C6orf89: variants seen among roughly 807,000 people sequenced by gnomAD.
The protein encoded by C6orf89 is chromosome 6 open reading frame 89.
Under a neutral mutation model 40.7 loss-of-function variants are expected in C6orf89, and 29 were observed. That is an observed-to-expected ratio of 0.71 (90% CI 0.53 to 0.97). C6orf89 has a LOEUF of 0.97. C6orf89 is among the 50% of genes least tolerant of loss of function. The pLI, the probability that C6orf89 is intolerant of heterozygous loss-of-function variation, is 0.00. For synonymous variants in C6orf89, 165 were observed against 152.2 expected, an observed-to-expected ratio of 1.08 and a Z score of -0.62; for missense variants, 392 against 429.1, an observed-to-expected ratio of 0.91 and a Z score of 0.76.
In C6orf89 at chr6:36,874,735, T is replaced by C. The variant is rs374199616; in HGVS notation, c.-628+2768T>C. ...CCCTCACCTGGTCTCCAAGTAAACG[T>C]TGGGTGGCTGCCAGGAATCTGGGGG... is the stretch of plus-strand genomic sequence containing the variant. On this transcript the variant is annotated intron_variant, in intron 1 of 9. Coordinates refer to the C6orf89 transcript ENST00000359359. 28 of 1,613,950 alleles carry C rather than the reference T, an allele frequency of 1.7e-5. No individual in the cohort carries two copies. The highest frequency in any genetic ancestry group is 3.3e-4 in the Middle Eastern group (2 of 6,074).
chr6:36,875,558 G>C (rs543837033), intron 1 of C6orf89, among the ~76,000 whole-genome samples: 2 of 152,378 alleles, frequency 1.3e-5, no homozygotes, highest in African/African-American at 4.8e-5. Context: ...CGCAGGGCGC[G>C]AGGAACAGAA....
At chr6:36,892,607 T>G (rs1311680732) in intron 1 of C6orf89, among the ~76,000 whole-genome samples, 1 of 152,166 alleles carries the variant, frequency 6.6e-6, no homozygotes, top group Non-Finnish European at 1.5e-5. Flanking sequence ...TAGTGTCTCT[T>G]AATTGGGGGT....
chr6:36,901,312 A>ATTTTTTTTTTTTTT (rs1554136270), intron 3 of C6orf89, among the ~76,000 whole-genome samples: 4 of 64,662 alleles, frequency 6.2e-5, no homozygotes, highest in Non-Finnish European at 1.2e-4. Context: ...TATTATTATT[A>ATTTTTTTTTTTTTT]TTATTATTAT....
chr6:36,901,336 T>A (rs1191972087), intron 3 of C6orf89, among the ~76,000 whole-genome samples: 7 of 56,926 alleles, frequency 1.2e-4, no homozygotes, highest in African/African-American at 4.2e-4. Context: ...TTTTTTTTTT[T>A]TTTTTTTTTT....
rs116302023 is a variant in C6orf89, at chr6:36,908,691, G to A, written c.404-5593G>A. On this transcript the variant is annotated intron_variant, in intron 4 of 8. Transcript: ENST00000480824. ...TAGTTTCTAAGGCTGCTGAAACAAAGCATCACAGGCCGAGCAGCTTAAAAC... is the reference window on the plus strand; with the variant it reads ...TAGTTTCTAAGGCTGCTGAAACAAAACATCACAGGCCGAGCAGCTTAAAAC... 4.1e-3 allele frequency among the ~76,000 whole-genome samples: 631 copies of A among 152,282 alleles called. 7 individuals are homozygous for A. The highest frequency in any genetic ancestry group is 0.014 in the African/African-American group (598 of 41,568).
chr6:36,901,752 G>A (rs536443885), intron 3 of C6orf89, among the ~76,000 whole-genome samples: 2 of 151,698 alleles, frequency 1.3e-5, no homozygotes, highest in South Asian at 2.1e-4. Context: ...CTCACTGCAA[G>A]CTCCGCCTCC....
chr6:36,908,212 G>T (rs1231365390), intron 4 of C6orf89, among the ~76,000 whole-genome samples: 1 of 152,158 alleles, frequency 6.6e-6, no homozygotes, highest in Non-Finnish European at 1.5e-5. Context: ...GATGGCATAG[G>T]CTACCCCATT....
At position 36,919,606 on chromosome 6, in the gene C6orf89, T is replaced by A; in HGVS notation, c.854T>A (p.Ile285Asn). ...KMHKMPDLFI[I>N]GSGEAMLQLI... Reference sequence around the variant, plus strand: ...CATAAGATGCCTGACCTATTTATCATTGGCAGCGGTGAGGCCATGTTGCAG... The same window carrying A: ...CATAAGATGCCTGACCTATTTATCAATGGCAGCGGTGAGGCCATGTTGCAG... The change falls in exon 8 of 9, where the codon ATT becomes AAT. Residue 285 changes from isoleucine (I) to asparagine (N), a missense_variant. Ile to Asn is a moderately radical substitution (Grantham distance 149). Transcript: ENST00000480824. The A allele has an allele frequency of 6.2e-7, 1 of 1,614,096 alleles. No homozygotes were observed. The highest frequency in any genetic ancestry group is 2.2e-5 in the East Asian group (1 of 44,876).
chr6:36,879,110 C>G (rs1004888846), exon 2 of C6orf89: 2 of 153,604 alleles, frequency 1.3e-5, no homozygotes, highest in African/African-American at 2.4e-5. Context: ...CTATTGATCT[C>G]TCACAGCAGC....
chr6:36,918,466 A>G (rs1762399679), intron 7 of C6orf89, among the ~76,000 whole-genome samples: 1 of 152,202 alleles, frequency 6.6e-6, no homozygotes, highest in African/African-American at 2.4e-5. Context: ...AGCCGGTGAA[A>G]TGGCTCTGGT....
chr6:36,903,437 T>C (rs1001095946), intron 4 of C6orf89, among the ~76,000 whole-genome samples: 3 of 152,172 alleles, frequency 2.0e-5, no homozygotes. Context: ...AGAAAAAATG[T>C]ATTTAAGCTT....
chr6:36,908,821 C>G (rs1484424909), intron 4 of C6orf89, among the ~76,000 whole-genome samples: 1 of 152,238 alleles, frequency 6.6e-6, no homozygotes, highest in East Asian at 1.9e-4. Context: ...CCTTCCTGGC[C>G]TCTTCCAGTT....
intron 8 of C6orf89, 52 bp from the exon 9 acceptor site, chr6:36,923,295 T>G (rs775572729): frequency 1.5e-5 from 21 of 1,431,406 alleles, no homozygotes; most frequent in Non-Finnish European, 2.1e-5. Context: ...TGCCCACAGG[T>G]GTGCCCACCC....
At chr6:36,871,977 G>A (rs1774520587) in intron 1 of C6orf89, 1 of 1,080,110 alleles carries the variant, frequency 9.3e-7, no homozygotes, top group East Asian at 3.1e-5. Flanking sequence ...TGTAAGTCAT[G>A]AAATTGTGAT....
intron 1 of C6orf89, among the ~76,000 whole-genome samples, chr6:36,872,657 C>T (rs1774539163): frequency 6.6e-6 from 1 of 151,976 alleles, no homozygotes; most frequent in Admixed American, 6.6e-5. Flanking sequence ...ACCCAGGTTA[C>T]AGTGCAGTGG....
At chr6:36,918,612 G>A (rs1308687790) in intron 7 of C6orf89, among the ~76,000 whole-genome samples, 1 of 152,152 alleles carries the variant, frequency 6.6e-6, no homozygotes, top group Non-Finnish European at 1.5e-5. Flanking sequence ...CATGGCCCAG[G>A]GAGTCAGACT....
intron 4 of C6orf89, among the ~76,000 whole-genome samples, chr6:36,908,218 C>T (rs910475075): frequency 6.6e-6 from 1 of 152,186 alleles, no homozygotes; most frequent in Non-Finnish European, 1.5e-5. Context: ...ATAGGCTACC[C>T]CATTCCAGTG....
chr6:36,904,708 G>A (rs1761862584), intron 4 of C6orf89, among the ~76,000 whole-genome samples: 1 of 152,152 alleles, frequency 6.6e-6, no homozygotes, highest in Non-Finnish European at 1.5e-5. Context: ...GTTAGGATTA[G>A]TTGGCCATAC....
chr6:36,925,183 G>T lies in C6orf89; in HGVS notation c.*1742G>T, dbSNP rs1389842306. ...AGGTTTTAAGTCAGAGGGATCATCT[G>T]GAGGCCGGCTTTGTGCAAGCTTTTA... On this transcript the variant is annotated 3_prime_UTR_variant, in exon 9 of 9. Transcript: ENST00000480824. The T allele has an allele frequency of 6.6e-6, 1 of 152,184 alleles. No individual in the cohort carries two copies. Among genetic ancestry groups the T allele is most frequent in the Non-Finnish European group, 1.5e-5 (1 of 68,044 alleles). 9.4% of individuals were successfully genotyped at this position (152,184 alleles called of 1,614,324 possible). A position where few individuals can be genotyped will look rare whatever the true frequency, so the allele number is the denominator to read the frequency against.
Sources: gnomAD v4.1 joint callset for allele counts (sites outside exome capture counted in the v4.1 genomes callset) on GRCh38, gnomAD v4.1.1 for gene constraint, MANE v1.5 for transcripts, NCBI Gene and HGNC (gene_info 2026-07-23, HGNC 2026-07-21) for gene names.